The following TMPRSS3 variants were observed in gnomAD, a reference collection of about 807,000 sequenced individuals.
The protein encoded by TMPRSS3 is transmembrane serine protease 3, also known as transmembrane protease serine 3.
A neutral mutation model predicts 59.6 loss-of-function variants in TMPRSS3; 55 were observed. That is an observed-to-expected ratio of 0.92 (90% confidence interval 0.74 to 1.16). The LOEUF is 1.16. Ranked by LOEUF, TMPRSS3 falls within the 50% of genes most tolerant of loss-of-function variation. TMPRSS3 has a pLI of 0.00. For missense variants in TMPRSS3, 596 were observed against 579.4 expected, an observed-to-expected ratio of 1.03 and a Z score of -0.29; for synonymous variants, 257 against 237.7, an observed-to-expected ratio of 1.08 and a Z score of -0.75.
rs781225282 is a variant in TMPRSS3 at position 42,382,080 on chromosome 21, G to A, written c.937C>T (p.Pro313Ser). 2.5e-6 allele frequency: 4 copies of A among 1,614,214 alleles called. No individual in the cohort carries two copies. The highest frequency in any genetic ancestry group is 3.4e-6 in the Non-Finnish European group (4 of 1,180,038). Residue 313 changes from proline (P) to serine (S), a missense_variant, in exon 9 of 13, where the codon CCA becomes TCA. Pro to Ser is a moderately conservative substitution (Grantham distance 74). Transcript: ENST00000644384. ...CCAGATGTACCATTGAACGTGAGTG[G>A]CCCGGCCAGCTTCATAAGGGCGATG... ...NDIALMKLAG[P>S]LTFNEMIQPV...
At chr21:42,375,660 G>C (rs2052411836) in intron 12 of TMPRSS3, 56 bp downstream of exon 12, 12 of 1,611,316 alleles carry the variant, frequency 7.4e-6, no homozygotes, top group South Asian at 1.1e-5. Context: ...TGCATTTAAG[G>C]GACCTTAGGG....
intron 5 of TMPRSS3, among the ~76,000 whole-genome samples, chr21:42,387,028 A>G (rs2052645479): frequency 6.6e-6 from 1 of 152,162 alleles, no homozygotes; most frequent in South Asian, 2.1e-4. Context: ...TAGAGGGAGC[A>G]TATTAAGGAT....
At chr21:42,383,926 A>G (rs753256382) in intron 7 of TMPRSS3, 44 bp downstream of exon 7, 1 of 1,605,720 alleles carries the variant, frequency 6.2e-7, no homozygotes, top group East Asian at 2.2e-5. Flanking sequence ...AGGACTTAGC[A>G]TGTGCTTGCT....
chr21:42,391,628 C>T (rs1442102642), intron 2 of TMPRSS3, among the ~76,000 whole-genome samples: 2 of 152,216 alleles, frequency 1.3e-5, no homozygotes, highest in South Asian at 2.1e-4. Flanking sequence ...ACTGCCTGCA[C>T]GTGCGGCATA....
At chr21:42,375,171 C>T (rs1190681630) in intron 12 of TMPRSS3, among the ~76,000 whole-genome samples, 1 of 151,942 alleles carries the variant, frequency 6.6e-6, no homozygotes, top group Non-Finnish European at 1.5e-5. Flanking sequence ...GCCAGCCTCG[C>T]TGTTGGGTGC....
rs370540201 is a variant in TMPRSS3 at position 42,379,352 on chromosome 21, G to A, written c.1048+765C>T. ...TAATTTTTGTATTTTTTGTAGAGAC[G>A]GTGTCTCTCTATGTTGCCCAGGCTG... On this transcript the variant is annotated intron_variant, in intron 10 of 12. Coordinates refer to ENST00000644384, the MANE Select transcript of TMPRSS3 (RefSeq NM_001256317.3). 1.1e-4 allele frequency among the ~76,000 whole-genome samples: 17 copies of A among 151,378 alleles called. No homozygotes were observed. The East Asian group carries it at 1.6e-3, about 14-fold the overall frequency.
chr21:42,390,036 A>T lies in TMPRSS3; in HGVS notation c.96T>A (p.Asp32Glu), dbSNP rs1377643653. The T allele has an allele frequency of 6.2e-7, 1 of 1,612,794 alleles. No homozygotes were observed. The highest frequency in any genetic ancestry group is 1.1e-5 in the South Asian group (1 of 91,064). Residue 32 changes from aspartate (D) to glutamate (E), a missense_variant and splice_region_variant, in exon 3 of 13, where the codon GAT becomes GAA. Transcript: ENST00000644384. The part of the protein sequence containing the change: ...DDLKISPVAP[D>E]ADAVAAQILS... The stretch of plus-strand genomic sequence containing the variant: ...GGATCTGTGCAGCAACAGCATCTGC[A>T]TCTGAAAACCAGAAAAAGGAAGAGC...
At chr21:42,385,337 T>C in intron 6 of TMPRSS3, 72 bp downstream of exon 6, 2 of 1,601,272 alleles carry the variant, frequency 1.2e-6, no homozygotes, top group Non-Finnish European at 1.7e-6. Context: ...CCTTGTGGAG[T>C]TGTGCATAGC....
chr21:42,375,008 G>T (rs2052396963), intron 12 of TMPRSS3, among the ~76,000 whole-genome samples: 1 of 143,750 alleles, frequency 7.0e-6, no homozygotes, highest in Admixed American at 7.0e-5. Flanking sequence ...CTTCATCTGA[G>T]ATCAAGCCAG....
chr21:42,380,073 G>A (rs766699568), intron 10 of TMPRSS3, 44 bp downstream of exon 10: 4 of 1,536,706 alleles, frequency 2.6e-6, no homozygotes, highest in Non-Finnish European at 1.8e-6. Context: ...AGCCCTCTGG[G>A]TTCTGAGCCC....
In TMPRSS3 at chr21:42,388,784, G is replaced by T; in HGVS notation, c.322+145C>A. On this transcript the variant is annotated intron_variant, in intron 4 of 12. Transcript: ENST00000644384. This position sits in a 1 kb window ranked among gnomAD's most constrained non-coding sequence, Gnocchi z 5.1. ...CCTCCCTGACCCCCCAGCCCAACAT[G>T]TCTTTGGGCAAACGCCAGTTCAATC... is the stretch of plus-strand genomic sequence containing the variant. The T allele has an allele frequency of 1.1e-6, 1 of 926,724 alleles. No homozygotes were observed. Among genetic ancestry groups the T allele is most frequent in the Non-Finnish European group, 1.7e-6 (1 of 577,922 alleles). 57.4% of individuals were successfully genotyped at this position (926,724 alleles called of 1,614,324 possible).
At chr21:42,390,643 G>A (rs1445148303) in intron 2 of TMPRSS3, among the ~76,000 whole-genome samples, 2 of 152,154 alleles carry the variant, frequency 1.3e-5, no homozygotes, top group African/African-American at 4.8e-5. Context: ...CATGAGAATC[G>A]CTTGAACCTG....
At chr21:42,385,254 C>A (rs1418006189) in intron 6 of TMPRSS3, among the ~76,000 whole-genome samples, 155 bp downstream of exon 6, 1 of 151,928 alleles carries the variant, frequency 6.6e-6, no homozygotes, top group Admixed American at 6.6e-5. Flanking sequence ...CCCAGCCTGG[C>A]GCATCCACCA....
Position 42,376,758 on chromosome 21 carries a change from CA to C in TMPRSS3, c.1049-76del, listed in dbSNP as rs2052437334. On this transcript the variant is annotated intron_variant, in intron 10 of 12. Coordinates refer to ENST00000644384, the MANE Select transcript of TMPRSS3 (RefSeq NM_001256317.3). The stretch of plus-strand genomic sequence containing the variant: ...AAACACAGAAGGCGCATGCTGAGAC[CA>C]GGGGGGTGAGGGAACGAGGGACGAG... 3.7e-6 allele frequency: 6 copies of C among 1,607,918 alleles called. No individual in the cohort carries two copies. In the African/African-American group the frequency reaches 4.0e-5, roughly 11 times the overall value.
intron 2 of TMPRSS3, among the ~76,000 whole-genome samples, chr21:42,392,346 A>G (rs574550760): frequency 6.6e-6 from 1 of 152,264 alleles, no homozygotes; most frequent in African/African-American, 2.4e-5. Context: ...GAGTGTGCAG[A>G]GGAGAGGGTG....
In TMPRSS3 at chr21:42,388,797, C is replaced by T. The variant is rs1033553385; in HGVS notation, c.322+132G>A. The T allele has an allele frequency of 9.3e-5, 91 of 981,886 alleles. No individual in the cohort carries two copies. The highest frequency in any genetic ancestry group is 4.5e-4 in the Admixed American group (25 of 55,494). 60.8% of individuals were successfully genotyped at this position (981,886 alleles called of 1,614,324 possible). A position where few individuals can be genotyped will look rare whatever the true frequency, so the allele number is the denominator to read the frequency against. ...CCAGCCCAACATGTCTTTGGGCAAA[C>T]GCCAGTTCAATCCCAGCTGAAGACA... On this transcript the variant is annotated intron_variant, in intron 4 of 12. Transcript: ENST00000644384. The surrounding 1 kb of genome is among the most constrained non-coding windows in gnomAD (Gnocchi z 5.1).
At chr21:42,391,289 T>C (rs759124609) in intron 2 of TMPRSS3, among the ~76,000 whole-genome samples, 2 of 152,182 alleles carry the variant, frequency 1.3e-5, no homozygotes, top group Non-Finnish European at 2.9e-5. Flanking sequence ...CAAGTGATTC[T>C]CCCCACTTGG....
intron 8 of TMPRSS3, 197 bp downstream of exon 8, chr21:42,382,836 G>A (rs2052556419): frequency 1.5e-6 from 1 of 675,374 alleles, no homozygotes; most frequent in Non-Finnish European, 2.6e-6. Flanking sequence ...CTTAAAACAA[G>A]CTCAGGGTCA....
rs1480137034 is a variant in TMPRSS3, at chr21:42,395,940, A to T, written c.-52+2T>A. On this transcript the variant is annotated splice_donor_variant, in intron 1 of 12. Coordinates refer to ENST00000644384, the MANE Select transcript of TMPRSS3 (RefSeq NM_001256317.3). LOFTEE classifies it low-confidence loss of function (5UTR_SPLICE). Reference sequence around the variant, plus strand: ...ATAAGCATAAGTAGTTTCGGTACTCACATAATTCCCGAGTCCCAAAAATGT... The same window carrying T: ...ATAAGCATAAGTAGTTTCGGTACTCTCATAATTCCCGAGTCCCAAAAATGT... 1 of 518,948 alleles carries T rather than the reference A, an allele frequency of 1.9e-6. No individual in the cohort carries two copies. The highest frequency in any genetic ancestry group is 3.8e-6 in the Non-Finnish European group (1 of 259,844). 32.1% of individuals were successfully genotyped at this position (518,948 alleles called of 1,614,324 possible).
Sources: gnomAD v4.1 joint callset for allele counts (sites outside exome capture counted in the v4.1 genomes callset) on GRCh38, gnomAD v4.1.1 for gene constraint, Gnocchi (gnomAD v3.1) non-coding constraint, MANE v1.5 for transcripts, NCBI Gene and HGNC (gene_info 2026-07-23, HGNC 2026-07-21) for gene names.